The following SMARCA5 variants were observed in gnomAD, a reference collection of about 807,000 sequenced individuals.
The protein encoded by SMARCA5 is SNF2 related chromatin remodeling ATPase 5.
SMARCA5 carries 18 observed loss-of-function variants against 140.4 expected under a neutral mutation model. That is an observed-to-expected ratio of 0.13 (90% confidence interval 0.09 to 0.19). The LOEUF (loss-of-function observed/expected upper bound fraction) is 0.19. Among genes scored for constraint, SMARCA5 ranks in the 10% least tolerant of loss-of-function variants. The probability of loss-of-function intolerance (pLI) is 1.00; values close to 1 mark genes in which losing one functional copy is unlikely to be tolerated. For missense variants in SMARCA5, 606 were observed against 1,276.8 expected (o/e 0.47, Z 8.01); for synonymous variants, 449 against 419.6 (o/e 1.07, Z -0.86).
At chr4:143,552,625 A>C (rs1296075839) in intron 23 of SMARCA5, among the ~76,000 whole-genome samples, 1 of 152,038 alleles carries the variant, frequency 6.6e-6, no homozygotes, top group Admixed American at 6.6e-5. Context: ...TGGTATTATG[A>C]CTTTTACTGT....
chr4:143,536,766 T>C (rs1737313407), intron 11 of SMARCA5, 88 bp downstream of exon 11: 3 of 882,484 alleles, frequency 3.4e-6, no homozygotes, highest in Non-Finnish European at 5.5e-6. Flanking sequence ...ATGACTGCTC[T>C]GATGCTTTCC....
intron 2 of SMARCA5, among the ~76,000 whole-genome samples, chr4:143,519,454 CAA>C (rs552733347): frequency 3.3e-5 from 5 of 152,070 alleles, no homozygotes; most frequent in African/African-American, 1.2e-4. Flanking sequence ...AACATTTTTG[CAA>C]AGTGTTATTT....
chr4:143,537,476 T>G (rs927268581), intron 11 of SMARCA5, among the ~76,000 whole-genome samples: 2 of 152,210 alleles, frequency 1.3e-5, no homozygotes, highest in African/African-American at 4.8e-5. Flanking sequence ...ATGGGTTTAC[T>G]TTTTCCTTTT....
intron 23 of SMARCA5, 121 bp downstream of exon 23, chr4:143,550,225 C>CTTTTTTTTTTTT: frequency 4.9e-6 from 1 of 205,998 alleles, no homozygotes; most frequent in Non-Finnish European, 8.7e-6. Context: ...ATTGCCTTTA[C>CTTTTTTTTTTTT]TTTTTTTTTT....
rs1219833470 is a variant in SMARCA5 at position 143,549,499 on chromosome 4, C to T, written c.2986-498C>T. Among the ~76,000 whole-genome samples the T allele has an allele frequency of 5.9e-5, 9 of 152,152 alleles. No individual in the cohort carries two copies. The South Asian group carries it at 8.3e-4, about 14-fold the overall frequency. ...CAGAGAGAGATGAGGTAGAACTCATCGTAGACTTCCATGGCTGGTTTTCCA... is the reference window on the plus strand; with the variant it reads ...CAGAGAGAGATGAGGTAGAACTCATTGTAGACTTCCATGGCTGGTTTTCCA... On this transcript the variant is annotated intron_variant, in intron 22 of 23. Transcript: ENST00000283131.
chr4:143,527,865 C>T lies in SMARCA5; in HGVS notation c.802-3C>T, dbSNP rs1479003845. ...GATGTAATTTTTTTCTCTTGTTACA[C>T]AGGCTGCTTTTGTCAGAGACGTTTT... On this transcript the variant is annotated splice_polypyrimidine_tract_variant and splice_region_variant and intron_variant, in intron 6 of 23. Transcript: ENST00000283131. 3.2e-6 allele frequency: 5 copies of T among 1,587,034 alleles called. No homozygotes were observed. Among genetic ancestry groups the T allele is most frequent in the South Asian group, 1.2e-5 (1 of 85,278 alleles).
Position 143,540,446 on chromosome 4 carries a change from A to G in SMARCA5, c.1854A>G (p.Val618=). ...ITDNTVEERI[V]ERAEMKLRLD... ...ATAACACTGTAGAAGAAAGAATAGT[A>G]GAACGTGCTGAGATGAAACTCAGAC... is the stretch of plus-strand genomic sequence containing the variant. The change falls in exon 14 of 24, where the codon GTA becomes GTG. Residue 618 remains valine, a synonymous_variant. Coordinates refer to ENST00000283131, the MANE Select transcript of SMARCA5 (RefSeq NM_003601.4). The G allele has an allele frequency of 6.2e-7, 1 of 1,613,362 alleles. No homozygotes were observed. Among genetic ancestry groups the G allele is most frequent in the Non-Finnish European group, 8.5e-7 (1 of 1,179,478 alleles).
rs1239001938 is a variant in SMARCA5 at position 143,536,439 on chromosome 4, C to G, written c.1269-13C>G. ...ACATTTGAGCTCTAAAAATGTTTTT[C>G]TTCTTTGAATAGGTATACTCGGATA... On this transcript the variant is annotated splice_polypyrimidine_tract_variant and intron_variant, in intron 10 of 23. Coordinates refer to ENST00000283131, the MANE Select transcript of SMARCA5 (RefSeq NM_003601.4). 6.3e-7 allele frequency: 1 copy of G among 1,582,622 alleles called. No individual in the cohort carries two copies. Among genetic ancestry groups the G allele is most frequent in the Non-Finnish European group, 8.7e-7 (1 of 1,151,942 alleles).
chr4:143,543,360 C>A, intron 14 of SMARCA5, 149 bp from the exon 15 acceptor site: 1 of 675,768 alleles, frequency 1.5e-6, no homozygotes, highest in South Asian at 2.4e-5. Context: ...GTGCAAAAAT[C>A]AAAATTATTA....
At chr4:143,537,760 C>CA (rs1332268414) in intron 11 of SMARCA5, among the ~76,000 whole-genome samples, 2 of 151,642 alleles carry the variant, frequency 1.3e-5, no homozygotes, top group Non-Finnish European at 2.9e-5. Context: ...ATCAAAAATA[C>CA]AAAAAAAGTT....
intron 10 of SMARCA5, among the ~76,000 whole-genome samples, chr4:143,536,223 C>T (rs1034850943): frequency 6.6e-6 from 1 of 152,040 alleles, no homozygotes; most frequent in African/African-American, 2.4e-5. Context: ...AAAATAATAT[C>T]CTCAAGGCCC....
chr4:143,517,248 G>A (rs750756404), intron 1 of SMARCA5, 107 bp from the exon 2 acceptor site: 48 of 681,346 alleles, frequency 7.0e-5, no homozygotes, highest in Admixed American at 2.6e-4. Flanking sequence ...TAGGAAGTTT[G>A]GGGTGAGAAT....
At chr4:143,547,157 C>T (rs1737541208) in intron 20 of SMARCA5, among the ~76,000 whole-genome samples, 1 of 152,038 alleles carries the variant, frequency 6.6e-6, no homozygotes, top group East Asian at 1.9e-4. Context: ...TGGATAATTG[C>T]CCTTGCATTT....
intron 20 of SMARCA5, 122 bp downstream of exon 20, chr4:143,547,030 TA>T: frequency 1.2e-6 from 1 of 865,790 alleles, no homozygotes; most frequent in South Asian, 2.6e-5. Flanking sequence ...CCTTCTTCAT[TA>T]TTTTTTACAA....
rs747799340 is a variant in SMARCA5 at position 143,513,990 on chromosome 4, C to T, written c.66C>T (p.Ala22=). 2.6e-6 allele frequency: 4 copies of T among 1,564,286 alleles called. No individual in the cohort carries two copies. Among genetic ancestry groups the T allele is most frequent in the Non-Finnish European group, 3.4e-6 (4 of 1,162,992 alleles). ...PPESAPSKPA[A]SIASGGSNSS... ...AGAGCGCGCCTTCCAAGCCCGCAGC[C>T]TCGATCGCCAGCGGCGGGAGCAACA... The change falls in exon 1 of 24, where the codon GCC becomes GCT. Residue 22 remains alanine (A), a synonymous_variant. Transcript: ENST00000283131.
intron 2 of SMARCA5, among the ~76,000 whole-genome samples, chr4:143,517,741 C>G (rs1877112): frequency 6.6e-6 from 1 of 152,152 alleles, no homozygotes; most frequent in Non-Finnish European, 1.5e-5. Context: ...TGACAGTAAT[C>G]TTTTCCTAAT....
intron 9 of SMARCA5, among the ~76,000 whole-genome samples, chr4:143,531,051 AG>A: frequency 6.6e-6 from 1 of 152,160 alleles, no homozygotes; most frequent in Admixed American, 6.6e-5. Flanking sequence ...TCTGAACTCA[AG>A]TTATCAACCT....
intron 2 of SMARCA5, among the ~76,000 whole-genome samples, chr4:143,520,952 T>C (rs1736945063): frequency 6.6e-6 from 1 of 152,250 alleles, no homozygotes. Flanking sequence ...CACTGCATTT[T>C]TTCCAGCTTC....
At chr4:143,542,878 G>A (rs2149823727) in intron 14 of SMARCA5, among the ~76,000 whole-genome samples, 1 of 152,280 alleles carries the variant, frequency 6.6e-6, no homozygotes, top group Middle Eastern at 3.4e-3. Flanking sequence ...TACTTGGGAA[G>A]CTGAGACAGG....
Sources: allele counts gnomAD v4.1 joint callset (sites outside exome capture counted in the v4.1 genomes callset), GRCh38; gene constraint gnomAD v4.1.1; transcripts MANE v1.5; gene names NCBI Gene and HGNC (gene_info 2026-07-23, HGNC 2026-07-21).